The following KLRG1 variants were observed in gnomAD, a reference collection of about 807,000 sequenced individuals.
KLRG1 encodes killer cell lectin-like receptor subfamily G member 1.
KLRG1 carries 16 observed loss-of-function variants against 21.8 expected under a neutral mutation model. The observed-to-expected ratio is 0.73, with a 90% CI of 0.50 to 1.11. KLRG1 has a LOEUF of 1.11. Among genes scored for constraint, KLRG1 ranks in the 50% most tolerant of loss-of-function variants. KLRG1 has a pLI of 0.00. For synonymous variants in KLRG1, 69 were observed against 75.9 expected, an observed-to-expected ratio of 0.91 and a Z score of 0.47; for missense variants, 173 against 218.3, an observed-to-expected ratio of 0.79 and a Z score of 1.31.
At chr12:9,191,446 T>C in the KLRG1 span, among the ~76,000 whole-genome samples, 1 of 152,016 alleles carries the variant, frequency 6.6e-6, no homozygotes, top group Non-Finnish European at 1.5e-5. Context: ...AATGCATAAA[T>C]TTTAACTTTC....
the KLRG1 span, among the ~76,000 whole-genome samples, chr12:9,095,376 A>G: frequency 6.6e-6 from 1 of 152,248 alleles, no homozygotes; most frequent in South Asian, 2.1e-4. Flanking sequence ...AGCTTAGTTC[A>G]GCAGCTTTTC....
chr12:9,146,356 A>G, the KLRG1 span, among the ~76,000 whole-genome samples: 1 of 151,382 alleles, frequency 6.6e-6, no homozygotes, highest in African/African-American at 2.4e-5. Flanking sequence ...CAGCTCAATG[A>G]TTTCTGCTTG....
chr12:9,017,090 C>T, the KLRG1 span, among the ~76,000 whole-genome samples: 1 of 151,498 alleles, frequency 6.6e-6, no homozygotes, highest in Admixed American at 6.6e-5. Flanking sequence ...ATGGCGAAAC[C>T]TTGTCTCTAC....
chr12:9,164,116 TG>T, the KLRG1 span: 8 of 1,606,044 alleles, frequency 5.0e-6, no homozygotes, highest in Non-Finnish European at 8.5e-7. Flanking sequence ...TAGGCCCTTT[TG>T]GGTACTGTCA....
chr12:9,171,949 C>T, the KLRG1 span, among the ~76,000 whole-genome samples: 1 of 152,166 alleles, frequency 6.6e-6, no homozygotes, highest in Non-Finnish European at 1.5e-5. Context: ...CTTCCCCAAC[C>T]TAGCAAGACA....
rs1460079373 is a variant in KLRG1 at position 8,984,312 on chromosome 12, C to T, written c.-155-7894C>T. 2.0e-5 allele frequency among the ~76,000 whole-genome samples: 3 copies of T among 152,174 alleles called. 1 individual carries two copies. In the South Asian group the frequency reaches 6.2e-4, roughly 31 times the overall value. On this transcript the variant is annotated intron_variant, in intron 1 of 4. Transcript: ENST00000539240. ...CTGCCTCCTGGGTTCAAGTGATTCT[C>T]CTGCCTCAGCCTCCTGAGCAGCTGG...
chr12:9,035,107 C>T, the KLRG1 span, among the ~76,000 whole-genome samples: 2 of 151,982 alleles, frequency 1.3e-5, no homozygotes, highest in Admixed American at 1.3e-4. Context: ...CTGTACAATA[C>T]ATTTGTGTGG....
the KLRG1 span, among the ~76,000 whole-genome samples, chr12:9,088,419 G>T: frequency 6.6e-6 from 1 of 152,078 alleles, no homozygotes; most frequent in Non-Finnish European, 1.5e-5. Context: ...ATGATAAAAG[G>T]ATTGAATGAT....
intron 1 of KLRG1, among the ~76,000 whole-genome samples, chr12:8,964,802 G>C (rs970464492): frequency 6.7e-6 from 1 of 150,098 alleles, no homozygotes; most frequent in Admixed American, 6.7e-5. Flanking sequence ...GGCCTTCTTT[G>C]TCTCTTTTGA....
chr12:9,160,475 G>C, the KLRG1 span: 1 of 1,613,318 alleles, frequency 6.2e-7, no homozygotes, highest in Non-Finnish European at 8.5e-7. Context: ...TTGCATAGCA[G>C]AACCTAATAT....
the KLRG1 span, chr12:9,208,274 G>T: frequency 6.2e-7 from 1 of 1,613,360 alleles, no homozygotes; most frequent in South Asian, 1.1e-5. Context: ...TGTAGAGTTT[G>T]AGTCACTGGC....
chr12:9,148,934 G>T, the KLRG1 span: 1 of 1,561,206 alleles, frequency 6.4e-7, no homozygotes, highest in Admixed American at 1.7e-5. Context: ...AAATGTATAG[G>T]ACAGAGAATC....
chr12:9,087,154 T>A, the KLRG1 span, among the ~76,000 whole-genome samples: 2 of 152,060 alleles, frequency 1.3e-5, no homozygotes, highest in Non-Finnish European at 2.9e-5. Context: ...AAATACAATG[T>A]TCATGGATTG....
chr12:9,128,632 C>T, the KLRG1 span: 1 of 152,226 alleles, frequency 6.6e-6, no homozygotes, highest in East Asian at 1.9e-4. Flanking sequence ...TGCCCACCTG[C>T]AAGGTCCGCT....
chr12:8,971,680 G>C (rs778232452), intron 1 of KLRG1, among the ~76,000 whole-genome samples: 1 of 151,512 alleles, frequency 6.6e-6, no homozygotes, highest in African/African-American at 2.4e-5. Context: ...CAGTAGAGAC[G>C]GGGTTTCACC....
At chr12:8,956,432 C>T (rs1353720878) in intron 1 of KLRG1, among the ~76,000 whole-genome samples, 1 of 152,076 alleles carries the variant, frequency 6.6e-6, no homozygotes, top group East Asian at 1.9e-4. Context: ...GCTGTAACAC[C>T]CCCCACCGCA....
At chr12:9,067,868 G>A in the KLRG1 span, 1 of 1,607,462 alleles carries the variant, frequency 6.2e-7, no homozygotes, top group Non-Finnish European at 8.5e-7. Flanking sequence ...AAAAAATTAA[G>A]ACAGATTTGG....
intron 3 of KLRG1, chr12:8,996,698 C>T (rs1375448976): frequency 1.3e-5 from 2 of 151,860 alleles, no homozygotes; most frequent in Non-Finnish European, 2.9e-5. Context: ...TTTTTAAAGC[C>T]TTCTCTAAGT....
At chr12:9,133,148 T>C in the KLRG1 span, among the ~76,000 whole-genome samples, 1 of 152,200 alleles carries the variant, frequency 6.6e-6, no homozygotes, top group Non-Finnish European at 1.5e-5. Context: ...ATAGGGAAAG[T>C]AGACATATTG....
Sources: gnomAD v4.1 joint callset for allele counts (sites outside exome capture counted in the v4.1 genomes callset) on GRCh38, gnomAD v4.1.1 for gene constraint, MANE v1.5 for transcripts, NCBI Gene and HGNC (gene_info 2026-07-23, HGNC 2026-07-21) for gene names.